Variants in UGGT1 observed in about 807,000 individuals in gnomAD.
UGGT1 encodes UDP-glucose glycoprotein glucosyltransferase 1.
Under a neutral mutation model 203.9 loss-of-function variants are expected in UGGT1, and 107 were observed. The ratio of observed to expected loss-of-function variants is 0.52; its 90% CI spans 0.45 to 0.62. UGGT1 has a LOEUF of 0.62. Among genes scored for constraint, UGGT1 ranks in the 20% least tolerant of loss-of-function variants. UGGT1 has a pLI of 0.00. For synonymous variants in UGGT1, 628 were observed against 653.5 expected, an observed-to-expected ratio of 0.96 and a Z score of 0.59; for missense variants, 1,673 against 1,867.2, an observed-to-expected ratio of 0.90 and a Z score of 1.92.
At chr2:128,138,965 T>A in intron 16 of UGGT1, 113 bp downstream of exon 16, 33 of 1,332,038 alleles carry the variant, frequency 2.5e-5, no homozygotes, top group Non-Finnish European at 3.1e-5. Flanking sequence ...CAGGGGTGGG[T>A]CCTGAATTTA....
chr2:128,158,126 G>T (rs181246889), intron 22 of UGGT1, among the ~76,000 whole-genome samples: 224 of 152,322 alleles, frequency 1.5e-3, no homozygotes, highest in Non-Finnish European at 2.2e-3. Context: ...AGCTAAGGGC[G>T]ATAGTTATAT....
At chr2:128,176,393 G>A (rs983544775) in intron 31 of UGGT1, among the ~76,000 whole-genome samples, 2 of 115,090 alleles carry the variant, frequency 1.7e-5, no homozygotes, top group Non-Finnish European at 3.3e-5. Flanking sequence ...GGGCAACAGA[G>A]CAAAACTCTG....
chr2:128,093,677 C>T (rs1686974430), intron 1 of UGGT1, among the ~76,000 whole-genome samples: 1 of 152,150 alleles, frequency 6.6e-6, no homozygotes, highest in Admixed American at 6.5e-5. Flanking sequence ...GGCTTTTTAC[C>T]CTTTTGTAAA....
chr2:128,177,225 C>T (rs1390300334), intron 32 of UGGT1, among the ~76,000 whole-genome samples: 3 of 152,044 alleles, frequency 2.0e-5, no homozygotes, highest in Admixed American at 2.0e-4. Flanking sequence ...AAATTTTCAA[C>T]AATAATAAAA....
chr2:128,157,377 T>C (rs767310252), intron 22 of UGGT1, 31 bp downstream of exon 22: 31 of 1,583,784 alleles, frequency 2.0e-5, no homozygotes, highest in Non-Finnish European at 2.3e-5. Context: ...TTTATATTTT[T>C]GTTTGTGGCT....
chr2:128,150,533 A>G (rs1689898135), intron 18 of UGGT1, among the ~76,000 whole-genome samples: 1 of 151,696 alleles, frequency 6.6e-6, no homozygotes, highest in Non-Finnish European at 1.5e-5. Context: ...TGTACTACTC[A>G]TGATTTCTTC....
At chr2:128,153,425 G>A (rs1690075726) in intron 19 of UGGT1, among the ~76,000 whole-genome samples, 1 of 151,856 alleles carries the variant, frequency 6.6e-6, no homozygotes, top group African/African-American at 2.4e-5. Flanking sequence ...CACAAAGTTT[G>A]TGCAGTCATC....
At chr2:128,141,138 A>G (rs1689402504) in intron 16 of UGGT1, among the ~76,000 whole-genome samples, 1 of 152,098 alleles carries the variant, frequency 6.6e-6, no homozygotes, top group Non-Finnish European at 1.5e-5. Flanking sequence ...AGCCTGGCCA[A>G]CATGGTGAAA....
chr2:128,153,247 A>C (rs1349732765), intron 19 of UGGT1, among the ~76,000 whole-genome samples: 1 of 152,164 alleles, frequency 6.6e-6, no homozygotes, highest in Non-Finnish European at 1.5e-5. Context: ...CTCTTTCTTC[A>C]TCCTCATTCT....
intron 18 of UGGT1, 56 bp downstream of exon 18, chr2:128,146,023 G>A: frequency 6.2e-7 from 1 of 1,604,590 alleles, no homozygotes; most frequent in African/African-American, 1.3e-5. Flanking sequence ...TATATTTTTT[G>A]TTGCCTCTAT....
At chr2:128,115,250 T>C (rs1409390232) in intron 7 of UGGT1, 30 bp downstream of exon 7, 1 of 1,578,980 alleles carries the variant, frequency 6.3e-7, no homozygotes, top group East Asian at 2.2e-5. Context: ...ACCAGTGTGC[T>C]TTCTTCAAAT....
intron 8 of UGGT1, among the ~76,000 whole-genome samples, chr2:128,118,180 C>A (rs1216226749): frequency 6.6e-6 from 1 of 152,146 alleles, no homozygotes; most frequent in African/African-American, 2.4e-5. Context: ...CATGTATATA[C>A]ATTTCTTCTC....
At chr2:128,095,648 C>T (rs1687088477) in intron 1 of UGGT1, among the ~76,000 whole-genome samples, 1 of 152,070 alleles carries the variant, frequency 6.6e-6, no homozygotes, top group African/African-American at 2.4e-5. Context: ...GCCACCATGC[C>T]TGGCTGATTT....
At position 128,180,912 on chromosome 2, in the gene UGGT1, A is replaced by G. The variant is rs757289368; in HGVS notation, c.3923A>G (p.Asn1308Ser). 2 of 1,613,758 alleles carry G rather than the reference A, an allele frequency of 1.2e-6. No individual in the cohort carries two copies. The highest frequency in any genetic ancestry group is 2.2e-5 in the South Asian group (2 of 90,936). ...TAGGAGTTTATACCTTACATGGCAA[A>G]TGAATACAATTTCCAGTATGAGCTT... is the stretch of plus-strand genomic sequence containing the variant. The part of the protein sequence containing the change: ...TFKEFIPYMA[N>S]EYNFQYELVQ... The change falls in exon 36 of 41, where the codon AAT becomes AGT. Residue 1308 changes from asparagine to serine, a missense_variant. This residue lies in a region of UGGT1 where 513 missense variants were observed against 684.1 expected (regional missense o/e 0.75). Coordinates refer to ENST00000259253, the MANE Select transcript of UGGT1 (RefSeq NM_020120.4).
rs370058713 is a variant in UGGT1 at position 128,106,051 on chromosome 2, C to T, written c.278-1887C>T. Among the ~76,000 whole-genome samples the T allele has an allele frequency of 5.9e-5, 9 of 151,790 alleles. No homozygotes were observed. In the East Asian group the frequency reaches 1.2e-3, roughly 20 times the overall value. ...CTCAAGACATCCCTGCCCTGCCTCT[C>T]GCCTTGGCCTCCTAAAGTGATGGGA... On this transcript the variant is annotated intron_variant, in intron 3 of 40. Transcript: ENST00000259253.
At position 128,158,248 on chromosome 2, in the gene UGGT1, G is replaced by A. The variant is rs527635862; in HGVS notation, c.2355+902G>A. On this transcript the variant is annotated intron_variant, in intron 22 of 40. Coordinates refer to ENST00000259253, the MANE Select transcript of UGGT1 (RefSeq NM_020120.4). The stretch of plus-strand genomic sequence containing the variant: ...CTATTTTAATTGAAGTAAAATGTAG[G>A]TTCACAAGAAGTGCTCAAATCATAG... 2.6e-5 allele frequency among the ~76,000 whole-genome samples: 4 copies of A among 152,248 alleles called. No individual in the cohort carries two copies. The South Asian group carries it at 6.2e-4, about 24-fold the overall frequency.
At chr2:128,100,797 C>T (rs1165412014) in intron 2 of UGGT1, among the ~76,000 whole-genome samples, 1 of 152,124 alleles carries the variant, frequency 6.6e-6, no homozygotes, top group African/African-American at 2.4e-5. Flanking sequence ...GATAGTTGTA[C>T]ATTCTTGATC....
intron 15 of UGGT1, among the ~76,000 whole-genome samples, chr2:128,136,827 AG>A (rs1558782931): frequency 2.0e-5 from 3 of 152,336 alleles, no homozygotes. Flanking sequence ...CATTTCCACC[AG>A]CAATGAATGA....
rs369686190 is a variant in UGGT1, at chr2:128,091,317, C to G, written c.-41C>G. On this transcript the variant is annotated 5_prime_UTR_variant, in exon 1 of 41. Transcript: ENST00000259253. Reference sequence around the variant, plus strand: ...GCCGCCTCGCCCCGCCCTGCCCTGGCGTTGTCTCTGGCACTGTGGCGGACT... The same window carrying G: ...GCCGCCTCGCCCCGCCCTGCCCTGGGGTTGTCTCTGGCACTGTGGCGGACT... The G allele has an allele frequency of 1.3e-6, 2 of 1,530,220 alleles. No individual in the cohort carries two copies. Among genetic ancestry groups the G allele is most frequent in the East Asian group, 2.6e-5 (1 of 38,890 alleles). The allele number at this position is 1,530,220 out of a possible 1,614,324, so 94.8% of individuals were successfully genotyped here. A position where few individuals can be genotyped will look rare whatever the true frequency, so the allele number is the denominator to read the frequency against.
Sources: allele counts gnomAD v4.1 joint callset (sites outside exome capture counted in the v4.1 genomes callset), GRCh38; gene constraint gnomAD v4.1.1; regional missense constraint gnomAD v4.1.1; transcripts MANE v1.5; gene names NCBI Gene and HGNC (gene_info 2026-07-23, HGNC 2026-07-21).